The following DAB1 variants were observed in gnomAD, a reference collection of about 807,000 sequenced individuals.
DAB1 encodes the protein disabled homolog 1.
In DAB1, 15 loss-of-function variants were observed where a neutral mutation model predicts 64.6. The ratio of observed to expected loss-of-function variants is 0.23; its 90% CI spans 0.16 to 0.36. DAB1 has a LOEUF of 0.36. Among genes scored for constraint, DAB1 ranks in the 10% least tolerant of loss-of-function variants. DAB1 has a pLI of 1.00. For synonymous variants in DAB1, 235 were observed against 251.9 expected (o/e 0.93, Z 0.64); for missense variants, 596 against 706.7 (o/e 0.84, Z 1.78).
At chr1:58,406,298 G>A (rs1050284172) in intron 3 of DAB1, among the ~76,000 whole-genome samples, 2 of 152,174 alleles carry the variant, frequency 1.3e-5, no homozygotes, top group African/African-American at 2.4e-5. Context: ...AAATGGAGCC[G>A]GAAATCTTAA....
At chr1:57,691,023 T>C (rs1214591984) in intron 6 of DAB1, among the ~76,000 whole-genome samples, 10 of 152,316 alleles carry the variant, frequency 6.6e-5, no homozygotes, top group African/African-American at 2.4e-4. Flanking sequence ...TTGTTTGAGT[T>C]CCTTATATAT....
In DAB1 at chr1:58,361,604, G is replaced by A. The variant is rs539632962; in HGVS notation, n.258-18201C>T. Among the ~76,000 whole-genome samples, 8 of 152,158 alleles carry A rather than the reference G, an allele frequency of 5.3e-5. No individual in the cohort carries two copies. The East Asian group carries it at 1.4e-3, about 26-fold the overall frequency. On this transcript the variant is annotated intron_variant and non_coding_transcript_variant, in intron 3 of 20. Coordinates refer to the DAB1 transcript ENST00000485760. ...CAGGTATAAGTTAGTGTATAGGTTC[G>A]GGGACTTTGCAGCCTTGCCCTTTTT...
intron 9 of DAB1, among the ~76,000 whole-genome samples, chr1:57,059,808 G>A (rs12133813): frequency 0.35 from 53,407 of 152,044 alleles, 11,704 homozygotes; most frequent in Middle Eastern, 0.57. Flanking sequence ...TAGGTAGGAA[G>A]AGGAGCTCAG....
chr1:57,744,758 C>T (rs563375826), intron 6 of DAB1, among the ~76,000 whole-genome samples: 9 of 152,148 alleles, frequency 5.9e-5, no homozygotes, highest in South Asian at 2.1e-4. Flanking sequence ...AGGTGTGAGG[C>T]GTGTTCTCCA....
intron 6 of DAB1, among the ~76,000 whole-genome samples, chr1:57,772,832 C>T (rs1363473836): frequency 6.6e-6 from 1 of 151,942 alleles, no homozygotes; most frequent in Non-Finnish European, 1.5e-5. Flanking sequence ...TCCCAGTGAC[C>T]TTATTTGGAA....
intron 7 of DAB1, among the ~76,000 whole-genome samples, chr1:57,619,842 A>C (rs1645834990): frequency 6.6e-6 from 1 of 152,066 alleles, no homozygotes; most frequent in Non-Finnish European, 1.5e-5. Context: ...GGAGGACTTC[A>C]AGGAGGGGAG....
At chr1:57,572,631 C>T (rs1238365853) in intron 7 of DAB1, among the ~76,000 whole-genome samples, 1 of 152,088 alleles carries the variant, frequency 6.6e-6, no homozygotes, top group East Asian at 1.9e-4. Context: ...AATAAGCCCT[C>T]AATAAATGGA....
chr1:57,801,721 A>G (rs1359753282), intron 6 of DAB1, among the ~76,000 whole-genome samples: 2 of 152,056 alleles, frequency 1.3e-5, no homozygotes, highest in African/African-American at 2.4e-5. Context: ...GCAGTGGCAC[A>G]ATCACAGCTC....
chr1:58,251,505 T>G (rs1660796021), intron 4 of DAB1, among the ~76,000 whole-genome samples: 1 of 152,152 alleles, frequency 6.6e-6, no homozygotes, highest in South Asian at 2.1e-4. Context: ...TCCAAGCACA[T>G]GACCACTAAT....
At chr1:58,489,094 T>G (rs963608081) in intron 3 of DAB1, among the ~76,000 whole-genome samples, 4 of 152,074 alleles carry the variant, frequency 2.6e-5, no homozygotes, top group African/African-American at 9.7e-5. Flanking sequence ...GGCCAGTGGG[T>G]GCAGGACAGT....
chr1:57,444,323 A>C (rs537853176), intron 7 of DAB1, among the ~76,000 whole-genome samples: 2 of 152,306 alleles, frequency 1.3e-5, no homozygotes, highest in African/African-American at 4.8e-5. Flanking sequence ...ATTTATAGCT[A>C]TATGTTTATT....
intron 2 of DAB1, among the ~76,000 whole-genome samples, chr1:57,148,009 T>G (rs1233931049): frequency 6.6e-6 from 1 of 152,240 alleles, no homozygotes; most frequent in Admixed American, 6.5e-5. Flanking sequence ...TCTACGCAAC[T>G]TTCTTATAAA....
At chr1:57,704,878 TTTCCTTCCTTCC>T (rs57907821) in intron 6 of DAB1, among the ~76,000 whole-genome samples, 7 of 146,368 alleles carry the variant, frequency 4.8e-5, no homozygotes, top group South Asian at 2.2e-4. Context: ...GGAAATTTCT[TTTCCTTCCTTCC>T]TTCCTTCCTT....
At chr1:57,832,852 G>A (rs151268568) in intron 1 of DAB1, among the ~76,000 whole-genome samples, 1 of 152,154 alleles carries the variant, frequency 6.6e-6, no homozygotes, top group African/African-American at 2.4e-5. Flanking sequence ...TTGTAGGGGT[G>A]GGGGTGGTCC....
chr1:57,974,307 G>A (rs548616448), intron 5 of DAB1, among the ~76,000 whole-genome samples: 1 of 152,080 alleles, frequency 6.6e-6, no homozygotes, highest in African/African-American at 2.4e-5. Flanking sequence ...CCATTTTTAA[G>A]TCTTTGGGCA....
At chr1:57,680,692 A>T (rs1424258115) in intron 6 of DAB1, among the ~76,000 whole-genome samples, 1 of 152,208 alleles carries the variant, frequency 6.6e-6, no homozygotes, top group Non-Finnish European at 1.5e-5. Context: ...TCTTAAGGTC[A>T]GCTGTTGGGA....
At chr1:57,701,926 T>C (rs1220370313) in intron 6 of DAB1, among the ~76,000 whole-genome samples, 1 of 152,162 alleles carries the variant, frequency 6.6e-6, no homozygotes, top group African/African-American at 2.4e-5. Context: ...ATCTTGGAAT[T>C]TGCTATTTCC....
chr1:57,882,362 G>A (rs1190578669), intron 1 of DAB1, among the ~76,000 whole-genome samples: 1 of 152,162 alleles, frequency 6.6e-6, no homozygotes, highest in African/African-American at 2.4e-5. Context: ...AGAATGAAAT[G>A]GAATGTACCA....
intron 9 of DAB1, among the ~76,000 whole-genome samples, chr1:57,026,956 C>T (rs1241570902): frequency 1.3e-5 from 2 of 152,172 alleles, no homozygotes; most frequent in Non-Finnish European, 2.9e-5. Context: ...ACAAACCTGT[C>T]CACTAAGGAA....
Sources: allele counts gnomAD v4.1 joint callset (sites outside exome capture counted in the v4.1 genomes callset), GRCh38; gene constraint gnomAD v4.1.1; transcripts MANE v1.5; gene names NCBI Gene and HGNC (gene_info 2026-07-23, HGNC 2026-07-21).